The following MGAT5 variants were observed in gnomAD, a reference collection of about 807,000 sequenced individuals.
The protein encoded by MGAT5 is alpha-1,6-mannosylglycoprotein 6-beta-N-acetylglucosaminyltransferase A.
In MGAT5, 30 loss-of-function variants were observed where a neutral mutation model predicts 94.3. The observed-to-expected ratio is 0.32, with a 90% CI of 0.24 to 0.43. The LOEUF (loss-of-function observed/expected upper bound fraction) is 0.43. Among genes scored for constraint, MGAT5 ranks in the 20% least tolerant of loss-of-function variants. The pLI is 1.00. For synonymous variants in MGAT5, 310 were observed against 322.9 expected, an observed-to-expected ratio of 0.96 and a Z score of 0.43; for missense variants, 691 against 905.5, an observed-to-expected ratio of 0.76 and a Z score of 3.04.
chr2:134,406,447 G>A (rs1558863408), intron 11 of MGAT5, among the ~76,000 whole-genome samples: 1 of 152,184 alleles, frequency 6.6e-6, no homozygotes, highest in Non-Finnish European at 1.5e-5. Flanking sequence ...CAGCTTACCT[G>A]TGGGACTCAC....
chr2:134,378,460 G>A (rs1681327482), intron 10 of MGAT5, among the ~76,000 whole-genome samples: 1 of 152,162 alleles, frequency 6.6e-6, no homozygotes, highest in Non-Finnish European at 1.5e-5. Context: ...ACAGTTAAGA[G>A]CATGGGCTTT....
At chr2:134,430,967 GC>G (rs1465064445) in intron 14 of MGAT5, among the ~76,000 whole-genome samples, 1 of 152,200 alleles carries the variant, frequency 6.6e-6, no homozygotes, top group Non-Finnish European at 1.5e-5. Context: ...GGCCCAGCCC[GC>G]CGAGGGAGGA....
chr2:134,291,890 G>A lies in MGAT5; in HGVS notation c.406+21340G>A, dbSNP rs914438067. 1.1e-4 allele frequency among the ~76,000 whole-genome samples: 16 copies of A among 152,086 alleles called. 1 individual carries two copies. The highest frequency in any genetic ancestry group is 2.9e-4 in the African/African-American group (12 of 41,402). ...CAAGTGGCGTTAGGTATAGTGCTTCGTCTCTCCCTTTATATCGGCAGTCAT... is the reference window on the plus strand; with the variant it reads ...CAAGTGGCGTTAGGTATAGTGCTTCATCTCTCCCTTTATATCGGCAGTCAT... On this transcript the variant is annotated intron_variant, in intron 2 of 15. Transcript: ENST00000281923.
intron 2 of MGAT5, among the ~76,000 whole-genome samples, chr2:134,308,552 C>T (rs2105858294): frequency 6.6e-6 from 1 of 152,312 alleles, no homozygotes; most frequent in South Asian, 2.1e-4. Flanking sequence ...ATATTTAAGG[C>T]TCCCTCAAGG....
At chr2:134,279,654 C>T (rs756344882) in intron 2 of MGAT5, among the ~76,000 whole-genome samples, 29 of 152,156 alleles carry the variant, frequency 1.9e-4, no homozygotes, top group Admixed American at 8.5e-4. Flanking sequence ...CTTGAAAGTG[C>T]GTCTACTCAG....
chr2:134,178,854 T>C (rs953837044), intron 1 of MGAT5, among the ~76,000 whole-genome samples: 2 of 152,220 alleles, frequency 1.3e-5, no homozygotes, highest in African/African-American at 4.8e-5. Context: ...ATAACTAACA[T>C]TTACTGAATG....
At chr2:134,413,854 A>T (rs1305102591) in intron 12 of MGAT5, among the ~76,000 whole-genome samples, 1 of 152,246 alleles carries the variant, frequency 6.6e-6, no homozygotes, top group African/African-American at 2.4e-5. Flanking sequence ...ATATCAATGT[A>T]GAAGGACAGT....
At chr2:134,179,906 C>G (rs1688656286) in intron 1 of MGAT5, among the ~76,000 whole-genome samples, 1 of 152,192 alleles carries the variant, frequency 6.6e-6, no homozygotes, top group South Asian at 2.1e-4. Flanking sequence ...AATAAAGAAG[C>G]TGGCCAAATC....
chr2:134,246,608 G>T (rs577648564), intron 1 of MGAT5, among the ~76,000 whole-genome samples: 1 of 152,190 alleles, frequency 6.6e-6, no homozygotes, highest in South Asian at 2.1e-4. Flanking sequence ...CCTTGAGGTT[G>T]GTGGGACATT....
intron 1 of MGAT5, among the ~76,000 whole-genome samples, chr2:134,154,335 T>C (rs974232634): frequency 3.3e-5 from 5 of 152,186 alleles, no homozygotes; most frequent in African/African-American, 1.2e-4. Context: ...GGCTGCGACT[T>C]ATTTATATAA....
chr2:134,334,671 G>C (rs917062206), intron 4 of MGAT5, among the ~76,000 whole-genome samples: 2 of 151,854 alleles, frequency 1.3e-5, no homozygotes, highest in Non-Finnish European at 2.9e-5. Flanking sequence ...AAGAATACAA[G>C]GTACAGATGT....
chr2:134,378,216 ACTT>A (rs1193960412), intron 10 of MGAT5, among the ~76,000 whole-genome samples: 14 of 152,294 alleles, frequency 9.2e-5, no homozygotes, highest in Admixed American at 5.2e-4. Flanking sequence ...TTCCCGGGAA[ACTT>A]CTTCTACAGC....
intron 10 of MGAT5, among the ~76,000 whole-genome samples, chr2:134,398,790 A>G (rs931654518): frequency 6.6e-6 from 1 of 152,228 alleles, no homozygotes; most frequent in African/African-American, 2.4e-5. Flanking sequence ...ATGGAGCTGG[A>G]GATCATTATG....
chr2:134,197,095 G>A (rs897177718), intron 1 of MGAT5, among the ~76,000 whole-genome samples: 2 of 152,200 alleles, frequency 1.3e-5, no homozygotes, highest in Non-Finnish European at 2.9e-5. Context: ...TGTATGTGGT[G>A]GATGGTATGG....
intron 11 of MGAT5, 102 bp from the exon 12 acceptor site, chr2:134,412,766 CG>C: frequency 6.9e-7 from 1 of 1,440,926 alleles, no homozygotes; most frequent in Non-Finnish European, 9.5e-7. Flanking sequence ...GGTGTCCACA[CG>C]GGAATGGGCC....
intron 10 of MGAT5, among the ~76,000 whole-genome samples, chr2:134,379,760 T>G (rs187374805): frequency 1.3e-5 from 2 of 152,350 alleles, no homozygotes; most frequent in Admixed American, 1.3e-4. Flanking sequence ...AACGTTTGGA[T>G]GGAAGTCAGC....
chr2:134,173,061 C>CT (rs2105126901), intron 1 of MGAT5, among the ~76,000 whole-genome samples: 1 of 152,286 alleles, frequency 6.6e-6, no homozygotes, highest in South Asian at 2.1e-4. Flanking sequence ...TAGCTGTCAC[C>CT]TTGAGAGTTT....
chr2:134,147,096 C>G (rs1246633355), intron 1 of MGAT5, among the ~76,000 whole-genome samples: 1 of 152,130 alleles, frequency 6.6e-6, no homozygotes, highest in Non-Finnish European at 1.5e-5. Context: ...CTCTCTCGCT[C>G]TCTTTCTTTT....
intron 10 of MGAT5, among the ~76,000 whole-genome samples, chr2:134,374,867 C>A (rs1363327213): frequency 6.6e-6 from 1 of 152,150 alleles, no homozygotes; most frequent in Non-Finnish European, 1.5e-5. Context: ...GTGATATGCT[C>A]CTGTGGTCCC....
Sources: gnomAD v4.1 joint callset for allele counts (sites outside exome capture counted in the v4.1 genomes callset) on GRCh38, gnomAD v4.1.1 for gene constraint, MANE v1.5 for transcripts, NCBI Gene and HGNC (gene_info 2026-07-23, HGNC 2026-07-21) for gene names.